Variants in MCOLN1 observed in about 807,000 individuals in gnomAD.
The protein encoded by MCOLN1 is mucolipin TRP cation channel 1.
A neutral mutation model predicts 70.3 loss-of-function variants in MCOLN1; 50 were observed. The ratio of observed to expected loss-of-function variants is 0.71; its 90% CI spans 0.57 to 0.90. MCOLN1 has a LOEUF of 0.90. Ranked by LOEUF, MCOLN1 falls within the 40% of genes least tolerant of loss-of-function variation. The pLI, the probability that MCOLN1 is intolerant of heterozygous loss-of-function variation, is 0.00. For synonymous variants in MCOLN1, 366 were observed against 341.0 expected (o/e 1.07, Z -0.81); for missense variants, 598 against 803.5 (o/e 0.74, Z 3.09).
At chr19:7,527,330 G>A (rs921569043) in intron 4 of MCOLN1, among the ~76,000 whole-genome samples, 190 bp from the exon 5 acceptor site, 7 of 149,404 alleles carry the variant, frequency 4.7e-5, no homozygotes, top group Non-Finnish European at 8.9e-5. Flanking sequence ...CTCTTGCCAC[G>A]TAGAAAGCAC....
At position 7,526,706 on chromosome 19, in the gene MCOLN1, G is replaced by A; in HGVS notation, c.406-55G>A. On this transcript the variant is annotated intron_variant, in intron 3 of 13. Coordinates refer to ENST00000264079, the MANE Select transcript of MCOLN1 (RefSeq NM_020533.3). The surrounding 1 kb of genome is among the most constrained non-coding windows in gnomAD (Gnocchi z 4.6). ...GCTGGTGGGCGGGCAGGTGCAGGTG[G>A]GTGGGCTGCAGAGAGCGGGCCGGAC... is the stretch of plus-strand genomic sequence containing the variant. 1 of 1,607,024 alleles carries A rather than the reference G, an allele frequency of 6.2e-7. No homozygotes were observed. Among genetic ancestry groups the A allele is most frequent in the East Asian group, 2.2e-5 (1 of 44,798 alleles).
chr19:7,525,030 C>T lies in MCOLN1; in HGVS notation c.101C>T (p.Thr34Ile). ...GCGGGGCCTTCACCGGCCCCTCCGA[C>T]ACCCCCAGAAGAGGAAGACCTTCGC... ...TQAGPSPAPP[T>I]PPEEEDLRRR... Residue 34 changes from threonine (T) to isoleucine (I), a missense_variant, in exon 2 of 14, where the codon ACA becomes ATA. By Grantham distance (89) the Thr-to-Ile change is moderately conservative (BLOSUM62 -1). Coordinates refer to ENST00000264079, the MANE Select transcript of MCOLN1 (RefSeq NM_020533.3). This position sits in a 1 kb window ranked among gnomAD's most constrained non-coding sequence, Gnocchi z 4.2. 6.2e-7 allele frequency: 1 copy of T among 1,614,102 alleles called. No homozygotes were observed. Among genetic ancestry groups the T allele is most frequent in the Non-Finnish European group, 8.5e-7 (1 of 1,180,034 alleles).
Position 7,524,995 on chromosome 19 carries a change from T to C in MCOLN1, c.66T>C (p.Tyr22=), listed in dbSNP as rs2146021205. ...TERLLTPNPG[Y]GTQAGPSPAP... is the part of the protein sequence containing the mutation. ...GGCTTCTGACCCCCAACCCCGGGTA[T>C]GGGACCCAGGCGGGGCCTTCACCGG... The change falls in exon 2 of 14, where the codon TAT becomes TAC. Residue 22 remains tyrosine, a synonymous_variant. Transcript: ENST00000264079. The surrounding 1 kb of genome is among the most constrained non-coding windows in gnomAD (Gnocchi z 4.1). 1.2e-6 allele frequency: 2 copies of C among 1,613,828 alleles called. No individual in the cohort carries two copies. The highest frequency in any genetic ancestry group is 2.7e-5 in the African/African-American group (2 of 75,052).
In MCOLN1 at chr19:7,526,853, C is replaced by T. The variant is rs937781548; in HGVS notation, c.498C>T (p.Cys166=). The change falls in exon 4 of 14, where the codon TGC becomes TGT. Residue 166 remains cysteine, a synonymous_variant. Coordinates refer to ENST00000264079, the MANE Select transcript of MCOLN1 (RefSeq NM_020533.3). The surrounding 1 kb of genome is among the most constrained non-coding windows in gnomAD (Gnocchi z 4.6). ...CCAATGGCTCAGGGCTTGCTCTCTGCCAGCGGTACTACCACCGAGGCCACG... is the reference window on the plus strand; with the variant it reads ...CCAATGGCTCAGGGCTTGCTCTCTGTCAGCGGTACTACCACCGAGGCCACG... The part of the protein sequence containing the change: ...PWTNGSGLAL[C]QRYYHRGHVD... The T allele has an allele frequency of 3.8e-5, 61 of 1,613,944 alleles. No homozygotes were observed. Among genetic ancestry groups the T allele is most frequent in the Non-Finnish European group, 4.7e-5 (56 of 1,180,022 alleles).
intron 1 of MCOLN1, 104 bp downstream of exon 1, chr19:7,522,885 C>G (rs2022515227): frequency 9.2e-7 from 1 of 1,088,186 alleles, no homozygotes; most frequent in Non-Finnish European, 1.2e-6. Flanking sequence ...TAAGCTCCAG[C>G]GCTGACTTTT....
rs1160967409 is a variant in MCOLN1, at chr19:7,533,913, G to A, written c.*118G>A. 1.6e-6 allele frequency: 2 copies of A among 1,264,208 alleles called. No homozygotes were observed. The highest frequency in any genetic ancestry group is 1.1e-6 in the Non-Finnish European group (1 of 887,634). The allele number at this position is 1,264,208 out of a possible 1,614,324, so 78.3% of individuals were successfully genotyped here. On this transcript the variant is annotated 3_prime_UTR_variant, in exon 14 of 14. Transcript: ENST00000264079. ...ATCGGCTCCCTGTCGCGCCCGAGGAGGGCCTGGACCTTTCGTGTCGGACCC... is the reference window on the plus strand; with the variant it reads ...ATCGGCTCCCTGTCGCGCCCGAGGAAGGCCTGGACCTTTCGTGTCGGACCC...
chr19:7,531,626 A>G (rs921639807), intron 12 of MCOLN1, among the ~76,000 whole-genome samples: 8 of 151,598 alleles, frequency 5.3e-5, no homozygotes, highest in African/African-American at 1.7e-4. Context: ...GCCCCCAGCC[A>G]TGCCCCCGAC....
At position 7,525,467 on chromosome 19, in the gene MCOLN1, T is replaced by A. The variant is rs1018520347; in HGVS notation, c.237+301T>A. On this transcript the variant is annotated intron_variant, in intron 2 of 13. Transcript: ENST00000264079. This position sits in a 1 kb window ranked among gnomAD's most constrained non-coding sequence, Gnocchi z 4.2. ...GAAATCATGCCACTGCACTCCAGCC[T>A]GGGCAACAGAGCAAGACTGTCTCAA... is the stretch of plus-strand genomic sequence containing the variant. 8 of 370,928 alleles carry A rather than the reference T, an allele frequency of 2.2e-5. No homozygotes were observed. Among genetic ancestry groups the A allele is most frequent in the Non-Finnish European group, 3.1e-5 (6 of 192,654 alleles). 23.0% of individuals were successfully genotyped at this position (370,928 alleles called of 1,614,324 possible).
chr19:7,525,537 T>A lies in MCOLN1; in HGVS notation c.237+371T>A, dbSNP rs560186373. ...CTGAGGCTCAGAGAGGTTAGGAGACTTGCCCAAAGTCACACAGCAATAGAA... is the reference window on the plus strand; with the variant it reads ...CTGAGGCTCAGAGAGGTTAGGAGACATGCCCAAAGTCACACAGCAATAGAA... On this transcript the variant is annotated intron_variant, in intron 2 of 13. Coordinates refer to ENST00000264079, the MANE Select transcript of MCOLN1 (RefSeq NM_020533.3). The surrounding 1 kb of genome is among the most constrained non-coding windows in gnomAD (Gnocchi z 4.2). 2.1e-4 allele frequency: 60 copies of A among 290,942 alleles called. No individual in the cohort carries two copies. Among genetic ancestry groups the A allele is most frequent in the African/African-American group, 1.3e-3 (58 of 44,164 alleles). The allele number at this position is 290,942 out of a possible 1,614,324, so 18.0% of individuals were successfully genotyped here. A position where few individuals can be genotyped will look rare whatever the true frequency, so the allele number is the denominator to read the frequency against.
At chr19:7,529,552 G>C (rs1484554679) in intron 10 of MCOLN1, 38 bp from the exon 11 acceptor site, 2 of 1,553,088 alleles carry the variant, frequency 1.3e-6, no homozygotes, top group African/African-American at 2.7e-5. Flanking sequence ...CTGAGTTGTG[G>C]CCACACCCTC....
In MCOLN1 at chr19:7,528,171, A is replaced by G. The variant is rs1450076788; in HGVS notation, c.791A>G (p.Asn264Ser). Reference sequence around the variant, plus strand: ...TGGCCCCCACAGATCACGTTTGACAACAAAGCACACAGTGGGCGGATCCCC... The same window carrying G: ...TGGCCCCCACAGATCACGTTTGACAGCAAAGCACACAGTGGGCGGATCCCC... ...YTFSVLITFD[N>S]KAHSGRIPIS... Residue 264 changes from asparagine to serine, a missense_variant, in exon 7 of 14, where the codon AAC (asparagine) becomes AGC (serine). Asn to Ser is a conservative substitution (Grantham distance 46). This residue lies in a region of MCOLN1 where 461 missense variants were observed against 588.4 expected (regional missense o/e 0.78). Coordinates refer to ENST00000264079, the MANE Select transcript of MCOLN1 (RefSeq NM_020533.3). This position sits in a 1 kb window ranked among gnomAD's most constrained non-coding sequence, Gnocchi z 4.2. 6.2e-7 allele frequency: 1 copy of G among 1,614,104 alleles called. No individual in the cohort carries two copies. The highest frequency in any genetic ancestry group is 8.5e-7 in the Non-Finnish European group (1 of 1,179,982).
At chr19:7,529,286 GC>G in intron 10 of MCOLN1, 84 bp downstream of exon 10, 1 of 1,276,546 alleles carries the variant, frequency 7.8e-7, no homozygotes, top group Non-Finnish European at 1.1e-6. Flanking sequence ...GCCCTCACCA[GC>G]CCCGGCCAAT....
rs2022566567 is a variant in MCOLN1 at position 7,526,297 on chromosome 19, G to A, written c.238-142G>A. On this transcript the variant is annotated intron_variant, in intron 2 of 13. Coordinates refer to ENST00000264079, the MANE Select transcript of MCOLN1 (RefSeq NM_020533.3). The surrounding 1 kb of genome is among the most constrained non-coding windows in gnomAD (Gnocchi z 4.6). ...AAATGCACAAGTGAAATCCGTGTTT[G>A]TGGCCCAAGTTAGCAGGGCCCTGCC... 1 of 918,298 alleles carries A rather than the reference G, an allele frequency of 1.1e-6. No homozygotes were observed. The highest frequency in any genetic ancestry group is 1.8e-6 in the Non-Finnish European group (1 of 561,554). The allele number at this position is 918,298 out of a possible 1,614,324, so 56.9% of individuals were successfully genotyped here.
rs2022640507 is a variant in MCOLN1 at position 7,530,496 on chromosome 19, A to G, written c.1570A>G (p.Ile524Val). Residue 524 changes from isoleucine to valine, a missense_variant, in exon 12 of 14, where the codon ATC becomes GTC. This residue lies in a region of MCOLN1 where 78 missense variants were observed against 156.2 expected (regional missense o/e 0.50). Coordinates refer to ENST00000264079, the MANE Select transcript of MCOLN1 (RefSeq NM_020533.3). ...GCTCATCACCGGCGCCTACGACACC[A>G]TCAAGGTCAGCCGCATGCACCCAGC... Reference protein sequence around the residue: ...IALITGAYDTIKHPGGAGAEE... With the variant: ...IALITGAYDTVKHPGGAGAEE... 6.2e-7 allele frequency: 1 copy of G among 1,608,848 alleles called. No individual in the cohort carries two copies. Among genetic ancestry groups the G allele is most frequent in the Non-Finnish European group, 8.5e-7 (1 of 1,179,948 alleles).
intron 12 of MCOLN1, among the ~76,000 whole-genome samples, chr19:7,532,551 C>T (rs1051167633): frequency 1.8e-4 from 28 of 152,124 alleles, no homozygotes; most frequent in African/African-American, 6.8e-4. Context: ...CCCATCTCTA[C>T]TAAAAATACA....
rs765687408 is a variant in MCOLN1, at chr19:7,528,955, C to T, written c.1119C>T (p.Ile373=). The T allele has an allele frequency of 8.7e-6, 14 of 1,613,990 alleles. No individual in the cohort carries two copies. The highest frequency in any genetic ancestry group is 5.0e-5 in the Admixed American group (3 of 60,000). ...VLTISGTIMK[I]GIEAKNLASY... is the part of the protein sequence containing the mutation. Reference sequence around the variant, plus strand: ...CCATCTCGGGCACCATCATGAAGATCGGCATCGAGGCCAAGGTGCGTCCTG... The same window carrying T: ...CCATCTCGGGCACCATCATGAAGATTGGCATCGAGGCCAAGGTGCGTCCTG... Residue 373 remains isoleucine, a synonymous_variant, in exon 9 of 14, where the codon ATC becomes ATT. Transcript: ENST00000264079. This position sits in a 1 kb window ranked among gnomAD's most constrained non-coding sequence, Gnocchi z 4.2.
At position 7,525,134 on chromosome 19, in the gene MCOLN1, C is replaced by A. The variant is rs755887707; in HGVS notation, c.205C>A (p.Gln69Lys). ...CCGCAAGCCCTGCAAGCTGATGCTG[C>A]AAGTGGTCAAGATCCTGGTGGTCAC... ...KGRKPCKLMLQVVKILVVTVQ... is the reference protein window; with the variant it reads ...KGRKPCKLMLKVVKILVVTVQ... The change falls in exon 2 of 14, where the codon CAA (glutamine) becomes AAA (lysine). Residue 69 changes from glutamine to lysine, a missense_variant. Around this residue, in one of 3 missense-constraint regions of MCOLN1, gnomAD observed 461 missense variants for 588.4 expected, o/e 0.78. Transcript: ENST00000264079. This position sits in a 1 kb window ranked among gnomAD's most constrained non-coding sequence, Gnocchi z 4.2. 1.7e-5 allele frequency: 28 copies of A among 1,614,158 alleles called. No individual in the cohort carries two copies. The highest frequency in any genetic ancestry group is 2.3e-5 in the Non-Finnish European group (27 of 1,180,030).
At chr19:7,531,799 C>G (rs988375416) in intron 12 of MCOLN1, among the ~76,000 whole-genome samples, 2 of 152,126 alleles carry the variant, frequency 1.3e-5, no homozygotes, top group African/African-American at 4.8e-5. Context: ...TACTGAGTAG[C>G]TGGGATTATA....
chr19:7,523,374 G>A (rs1336306762), intron 1 of MCOLN1, among the ~76,000 whole-genome samples: 2 of 152,226 alleles, frequency 1.3e-5, no homozygotes, highest in Non-Finnish European at 2.9e-5. Context: ...GGAGCTAGCT[G>A]GGGACCCCTA....
Sources: gnomAD v4.1 joint callset for allele counts (sites outside exome capture counted in the v4.1 genomes callset) on GRCh38, gnomAD v4.1.1 for gene constraint, gnomAD v4.1.1 regional missense constraint, Gnocchi (gnomAD v3.1) non-coding constraint, MANE v1.5 for transcripts, NCBI Gene and HGNC (gene_info 2026-07-23, HGNC 2026-07-21) for gene names.